The following LRRC72 variants were observed in gnomAD, a reference collection of about 807,000 sequenced individuals.
LRRC72 encodes the protein leucine-rich repeat-containing protein 72.
Under a neutral mutation model 35.8 loss-of-function variants are expected in LRRC72, and 41 were observed. That is an observed-to-expected ratio of 1.15 (90% confidence interval 0.89 to 1.49). The LOEUF is 1.49. LRRC72 is among the 40% of genes most tolerant of loss of function. LRRC72 has a pLI of 0.00. For synonymous variants in LRRC72, 118 were observed against 119.2 expected, an observed-to-expected ratio of 0.99 and a Z score of 0.07; for missense variants, 389 against 330.7, an observed-to-expected ratio of 1.18 and a Z score of -1.37.
At chr7:16,540,121 G>A (rs543148387) in intron 3 of LRRC72, among the ~76,000 whole-genome samples, 2 of 152,198 alleles carry the variant, frequency 1.3e-5, no homozygotes, top group South Asian at 2.1e-4. Context: ...GCTCATGAAA[G>A]CATCTGTGGG....
intron 7 of LRRC72, among the ~76,000 whole-genome samples, chr7:16,575,002 C>T (rs1783013777): frequency 6.6e-6 from 1 of 151,966 alleles, no homozygotes; most frequent in African/African-American, 2.4e-5. Flanking sequence ...GTAATTCCAG[C>T]TACTTGGGAG....
chr7:16,567,374 C>G lies in LRRC72; in HGVS notation c.518-17C>G. The stretch of plus-strand genomic sequence containing the variant: ...TTTATAATGTTATGCAATAACATTA[C>G]TTTTTGCATTTATCAGAAGTTACAG... On this transcript the variant is annotated splice_polypyrimidine_tract_variant and intron_variant, in intron 6 of 8. Coordinates refer to ENST00000401542, the MANE Select transcript of LRRC72 (RefSeq NM_001195280.2). The G allele has an allele frequency of 1.4e-6, 2 of 1,426,138 alleles. No homozygotes were observed. The highest frequency in any genetic ancestry group is 1.5e-5 in the South Asian group (1 of 66,304). The allele number at this position is 1,426,138 out of a possible 1,614,324, so 88.3% of individuals were successfully genotyped here. A position where few individuals can be genotyped will look rare whatever the true frequency, so the allele number is the denominator to read the frequency against.
In LRRC72 at chr7:16,545,584, A is replaced by G. The variant is rs533739470; in HGVS notation, c.234+7888A>G. 5.9e-5 allele frequency among the ~76,000 whole-genome samples: 9 copies of G among 152,322 alleles called. No individual in the cohort carries two copies. In the South Asian group the frequency reaches 1.9e-3, roughly 32 times the overall value. The stretch of plus-strand genomic sequence containing the variant: ...TTTAGAGCAGTACAAACTCCACTGT[A>G]GAATGTAAGAGCTATTAAAAAAACA... On this transcript the variant is annotated intron_variant, in intron 3 of 8. Transcript: ENST00000401542.
rs916517495 is a variant in LRRC72 at position 16,576,658 on chromosome 7, T to G, written c.671-3416T>G. On this transcript the variant is annotated intron_variant, in intron 7 of 8. Transcript: ENST00000401542. ...TTCTACCTGGCTTTAAGAACCTGATTTGCAGATTTTTCACCAATTACCTAT... is the reference window on the plus strand; with the variant it reads ...TTCTACCTGGCTTTAAGAACCTGATGTGCAGATTTTTCACCAATTACCTAT... Among the ~76,000 whole-genome samples, 3 of 152,198 alleles carry G rather than the reference T, an allele frequency of 2.0e-5. No individual in the cohort carries two copies. In the East Asian group the frequency reaches 5.8e-4, roughly 29 times the overall value.
chr7:16,571,263 T>C (rs1323861627), intron 7 of LRRC72, among the ~76,000 whole-genome samples: 5 of 152,086 alleles, frequency 3.3e-5, no homozygotes, highest in Admixed American at 6.5e-5. Context: ...CCTGAAAAAT[T>C]TGTTCAGGCC....
intron 7 of LRRC72, among the ~76,000 whole-genome samples, chr7:16,576,922 A>G (rs186920777): frequency 1.3e-5 from 2 of 152,332 alleles, no homozygotes; most frequent in African/African-American, 4.8e-5. Flanking sequence ...CAGGCAGACT[A>G]TTTAACAAAC....
chr7:16,545,286 A>G (rs1314272783), intron 3 of LRRC72, among the ~76,000 whole-genome samples: 6 of 152,360 alleles, frequency 3.9e-5, no homozygotes, highest in African/African-American at 1.4e-4. Flanking sequence ...GAATTCAGCA[A>G]ATAGCACAAA....
At chr7:16,579,343 G>A (rs1392511460) in intron 7 of LRRC72, among the ~76,000 whole-genome samples, 1 of 152,220 alleles carries the variant, frequency 6.6e-6, no homozygotes, top group East Asian at 1.9e-4. Context: ...AGCCACTTGT[G>A]AAGGGAATAA....
intron 1 of LRRC72, among the ~76,000 whole-genome samples, chr7:16,531,665 T>G (rs1345952348): frequency 6.6e-6 from 1 of 152,232 alleles, no homozygotes; most frequent in African/African-American, 2.4e-5. Context: ...ACTTTTCACT[T>G]TTGTCATGTC....
At chr7:16,556,711 G>C (rs1020929198) in intron 3 of LRRC72, among the ~76,000 whole-genome samples, 2 of 152,196 alleles carry the variant, frequency 1.3e-5, no homozygotes, top group Non-Finnish European at 2.9e-5. Flanking sequence ...TAGAAGTTTA[G>C]AGAAACAAAA....
intron 5 of LRRC72, among the ~76,000 whole-genome samples, chr7:16,564,315 T>C (rs942186657): frequency 2.0e-5 from 3 of 152,226 alleles, no homozygotes; most frequent in African/African-American, 7.2e-5. Flanking sequence ...GTTTTGCTTT[T>C]ATATCCTTGA....
intron 2 of LRRC72, among the ~76,000 whole-genome samples, chr7:16,535,672 G>A (rs1254672028): frequency 6.6e-6 from 1 of 152,102 alleles, no homozygotes; most frequent in Non-Finnish European, 1.5e-5. Context: ...CCAAATGACT[G>A]AATTTAGCTT....
At chr7:16,566,459 G>A (rs1524359) in intron 6 of LRRC72, 57 bp downstream of exon 6, 68,550 of 1,172,072 alleles carry the variant, frequency 0.058, 2,233 homozygotes, top group East Asian at 0.092. Flanking sequence ...ATAGCTCAGC[G>A]GTTTAAAAAC....
At chr7:16,573,793 A>G (rs1458095407) in intron 7 of LRRC72, among the ~76,000 whole-genome samples, 1 of 152,250 alleles carries the variant, frequency 6.6e-6, no homozygotes, top group African/African-American at 2.4e-5. Flanking sequence ...CAAAGCCAAT[A>G]TTGACAAATG....
intron 2 of LRRC72, among the ~76,000 whole-genome samples, chr7:16,535,321 A>G (rs1012680048): frequency 1.3e-5 from 2 of 152,352 alleles, no homozygotes; most frequent in East Asian, 3.9e-4. Context: ...GGAGAATTTG[A>G]TAATTGTTTT....
intron 3 of LRRC72, among the ~76,000 whole-genome samples, chr7:16,543,065 C>T (rs1365553247): frequency 6.6e-6 from 1 of 152,156 alleles, no homozygotes; most frequent in African/African-American, 2.4e-5. Flanking sequence ...CCTAAGTGTT[C>T]ATACTCCATC....
At position 16,539,258 on chromosome 7, in the gene LRRC72, T is replaced by C. The variant is rs1782314923; in HGVS notation, c.234+1562T>C. 2.0e-5 allele frequency among the ~76,000 whole-genome samples: 3 copies of C among 152,242 alleles called. No homozygotes were observed. In the South Asian group the frequency reaches 6.2e-4, roughly 31 times the overall value. ...AAACTGGAGTAAAGGTCACTCATGCTATGCTTTAGCAAAGAAACTGGTGGC... is the reference window on the plus strand; with the variant it reads ...AAACTGGAGTAAAGGTCACTCATGCCATGCTTTAGCAAAGAAACTGGTGGC... On this transcript the variant is annotated intron_variant, in intron 3 of 8. Coordinates refer to ENST00000401542, the MANE Select transcript of LRRC72 (RefSeq NM_001195280.2).
chr7:16,561,872 T>A (rs932639690), intron 5 of LRRC72, among the ~76,000 whole-genome samples: 1 of 152,252 alleles, frequency 6.6e-6, no homozygotes, highest in African/African-American at 2.4e-5. Context: ...TAGCTTTAGC[T>A]GATAAACTAA....
intron 3 of LRRC72, among the ~76,000 whole-genome samples, chr7:16,555,114 C>T (rs1203062600): frequency 6.6e-6 from 1 of 152,140 alleles, no homozygotes; most frequent in Non-Finnish European, 1.5e-5. Context: ...ATGGTTTCTC[C>T]TATCTTGGGG....
Sources: gnomAD v4.1 joint callset for allele counts (sites outside exome capture counted in the v4.1 genomes callset) on GRCh38, gnomAD v4.1.1 for gene constraint, MANE v1.5 for transcripts, NCBI Gene and HGNC (gene_info 2026-07-23, HGNC 2026-07-21) for gene names.